The following ABTB3 variants were observed in gnomAD, a reference collection of about 807,000 sequenced individuals.
ABTB3 encodes the protein ankyrin repeat- and BTB/POZ domain-containing protein 3.
chr12:107,477,819 T>G, the ABTB3 span, among the ~76,000 whole-genome samples: 1 of 152,116 alleles, frequency 6.6e-6, no homozygotes, highest in Non-Finnish European at 1.5e-5. Flanking sequence ...GATAGACCAT[T>G]CTATATAGAT....
the ABTB3 span, among the ~76,000 whole-genome samples, chr12:107,477,374 G>A: frequency 6.6e-6 from 1 of 152,198 alleles, no homozygotes; most frequent in African/African-American, 2.4e-5. Context: ...ATTTCTCAGG[G>A]TGGGAGGCCA....
the ABTB3 span, among the ~76,000 whole-genome samples, chr12:107,403,633 C>T: frequency 3.3e-5 from 5 of 152,128 alleles, no homozygotes; most frequent in East Asian, 1.9e-4. Flanking sequence ...AAGCTTCCAC[C>T]GATACATTAT....
At chr12:107,319,493 G>C in the ABTB3 span, 2 of 1,592,888 alleles carry the variant, frequency 1.3e-6, no homozygotes, top group Non-Finnish European at 1.7e-6. Flanking sequence ...TGCGCTGGCC[G>C]CACTGTCCCT....
chr12:107,548,523 C>T, the ABTB3 span, among the ~76,000 whole-genome samples: 4 of 152,128 alleles, frequency 2.6e-5, no homozygotes, highest in African/African-American at 4.8e-5. Context: ...TGGATAGTTT[C>T]GTTTTTCATT....
the ABTB3 span, chr12:107,617,256 T>C: frequency 1.2e-6 from 2 of 1,607,052 alleles, no homozygotes; most frequent in Non-Finnish European, 1.7e-6. Flanking sequence ...TGTGACTATA[T>C]TTTTGCTTTA....
chr12:107,624,986 C>T, the ABTB3 span, among the ~76,000 whole-genome samples: 2 of 152,212 alleles, frequency 1.3e-5, no homozygotes, highest in African/African-American at 4.8e-5. Flanking sequence ...CATACCCTCA[C>T]TGTTTGGTGT....
At chr12:107,434,168 C>T in the ABTB3 span, among the ~76,000 whole-genome samples, 1 of 152,184 alleles carries the variant, frequency 6.6e-6, no homozygotes, top group African/African-American at 2.4e-5. Context: ...AACTGGTAGC[C>T]AGTGTAGAAC....
chr12:107,351,466 A>C, the ABTB3 span, among the ~76,000 whole-genome samples: 1 of 152,166 alleles, frequency 6.6e-6, no homozygotes, highest in Admixed American at 6.5e-5. Flanking sequence ...ATGCCCTACT[A>C]TGATTTGAAT....
chr12:107,494,575 G>A, the ABTB3 span, among the ~76,000 whole-genome samples: 1 of 152,198 alleles, frequency 6.6e-6, no homozygotes, highest in South Asian at 2.1e-4. Flanking sequence ...CAGGTGCCAG[G>A]AGCCAAAAGG....
chr12:107,657,408 C>A, the ABTB3 span: 1 of 1,008,318 alleles, frequency 9.9e-7, no homozygotes, highest in South Asian at 1.4e-5. Flanking sequence ...TGCAGCCAGT[C>A]TTCCTTAGCA....
chr12:107,362,046 G>A, the ABTB3 span, among the ~76,000 whole-genome samples: 4 of 152,120 alleles, frequency 2.6e-5, no homozygotes, highest in Non-Finnish European at 4.4e-5. Flanking sequence ...CCTTGATCTT[G>A]GACTATCCCA....
At chr12:107,351,378 A>G in the ABTB3 span, among the ~76,000 whole-genome samples, 1 of 152,188 alleles carries the variant, frequency 6.6e-6, no homozygotes, top group East Asian at 1.9e-4. Flanking sequence ...CTTTCTCCTG[A>G]GGGAGTGTCC....
chr12:107,436,337 C>T, the ABTB3 span, among the ~76,000 whole-genome samples: 1 of 152,210 alleles, frequency 6.6e-6, no homozygotes, highest in African/African-American at 2.4e-5. Context: ...AATCAGGTGA[C>T]AGATGCCTAA....
the ABTB3 span, among the ~76,000 whole-genome samples, chr12:107,515,205 A>G: frequency 2.2e-4 from 33 of 152,050 alleles, no homozygotes; most frequent in Non-Finnish European, 1.3e-4. Flanking sequence ...CCATTTGCTC[A>G]GGCCTCCAAG....
chr12:107,407,809 A>G, the ABTB3 span, among the ~76,000 whole-genome samples: 1 of 152,094 alleles, frequency 6.6e-6, no homozygotes, highest in East Asian at 1.9e-4. Flanking sequence ...GCGGCGACTC[A>G]GGGAGGTCCT....
the ABTB3 span, among the ~76,000 whole-genome samples, chr12:107,538,188 G>T: frequency 6.6e-6 from 1 of 152,234 alleles, no homozygotes; most frequent in Non-Finnish European, 1.5e-5. Context: ...TGCCCCCAGG[G>T]CATGAAGACC....
chr12:107,356,023 CA>C, the ABTB3 span, among the ~76,000 whole-genome samples: 1 of 152,182 alleles, frequency 6.6e-6, no homozygotes, highest in Non-Finnish European at 1.5e-5. Context: ...GGCTGTAGCA[CA>C]GAGGGTTTGA....
chr12:107,385,067 T>C, the ABTB3 span, among the ~76,000 whole-genome samples: 2 of 152,230 alleles, frequency 1.3e-5, no homozygotes, highest in South Asian at 2.1e-4. Flanking sequence ...GGATTTAGAC[T>C]CTGATGCCCA....
the ABTB3 span, among the ~76,000 whole-genome samples, chr12:107,597,518 C>T: frequency 6.6e-6 from 1 of 152,138 alleles, no homozygotes; most frequent in Non-Finnish European, 1.5e-5. Flanking sequence ...ATAGCATTAA[C>T]CCATTCTTGA....
Sources: gnomAD v4.1 joint callset for allele counts (sites outside exome capture counted in the v4.1 genomes callset) on GRCh38, gnomAD v4.1.1 for gene constraint, MANE v1.5 for transcripts, NCBI Gene and HGNC (gene_info 2026-07-23, HGNC 2026-07-21) for gene names.